The following SLC22A24 variants were observed in gnomAD, a reference collection of about 807,000 sequenced individuals.
The protein encoded by SLC22A24 is solute carrier family 22 member 24.
SLC22A24 carries 53 observed loss-of-function variants against 49.8 expected under a neutral mutation model. The observed-to-expected ratio is 1.06, with a 90% CI of 0.85 to 1.34. The LOEUF is 1.34. Ranked by LOEUF, SLC22A24 falls within the 40% of genes most tolerant of loss-of-function variation. The pLI is 0.00. For missense variants in SLC22A24, 786 were observed against 675.9 expected (o/e 1.16, Z -1.81); for synonymous variants, 302 against 256.4 (o/e 1.18, Z -1.70).
chr11:63,114,750 A>G (rs7118720), intron 4 of SLC22A24, among the ~76,000 whole-genome samples: 120,458 of 152,008 alleles, frequency 0.79, 48,915 homozygotes, highest in East Asian at 0.9. Flanking sequence ...TGGTGTGGAT[A>G]TCCTTTTTGT....
chr11:63,086,609 A>C (rs1202117020), intron 6 of SLC22A24, among the ~76,000 whole-genome samples: 2 of 152,194 alleles, frequency 1.3e-5, no homozygotes, highest in Non-Finnish European at 2.9e-5. Flanking sequence ...AAACTTAAAA[A>C]ATTTTATATT....
intron 2 of SLC22A24, among the ~76,000 whole-genome samples, chr11:63,126,009 G>C (rs1057125008): frequency 6.6e-6 from 1 of 151,328 alleles, no homozygotes; most frequent in Non-Finnish European, 1.5e-5. Context: ...GGGGTCGTTT[G>C]TTTTTTTTCT....
chr11:63,099,713 A>T (rs1174702439), intron 5 of SLC22A24, among the ~76,000 whole-genome samples: 1 of 152,082 alleles, frequency 6.6e-6, no homozygotes, highest in Non-Finnish European at 1.5e-5. Context: ...ACACGTGAAG[A>T]AGACTGTTTT....
chr11:63,081,690 G>A (rs2086961285), intron 7 of SLC22A24, 24 bp from the exon 8 acceptor site: 11 of 1,496,894 alleles, frequency 7.3e-6, no homozygotes, highest in Non-Finnish European at 1.0e-5. Context: ...TGAGAATCAG[G>A]AAATCTTGCC....
At chr11:63,101,697 A>G (rs993521146) in intron 5 of SLC22A24, among the ~76,000 whole-genome samples, 1 of 152,150 alleles carries the variant, frequency 6.6e-6, no homozygotes, top group Non-Finnish European at 1.5e-5. Context: ...CTAAGTGTCC[A>G]TCTACAAATA....
intron 2 of SLC22A24, among the ~76,000 whole-genome samples, chr11:63,129,408 G>T (rs553187471): frequency 6.6e-6 from 1 of 152,152 alleles, no homozygotes; most frequent in Non-Finnish European, 1.5e-5. Context: ...GTCAGGTAGC[G>T]TGTTGCCTCC....
At chr11:63,092,094 C>G (rs1436339143) in intron 6 of SLC22A24, among the ~76,000 whole-genome samples, 2 of 152,098 alleles carry the variant, frequency 1.3e-5, no homozygotes, top group Admixed American at 1.3e-4. Context: ...CACAAGCATT[C>G]CTATACACCA....
intron 6 of SLC22A24, among the ~76,000 whole-genome samples, chr11:63,084,046 C>G (rs2086974137): frequency 6.6e-6 from 1 of 152,100 alleles, no homozygotes; most frequent in South Asian, 2.1e-4. Context: ...GAGAAAAGGT[C>G]AACAATATCT....
chr11:63,130,235 A>C (rs1299973243), intron 2 of SLC22A24, among the ~76,000 whole-genome samples: 1 of 152,154 alleles, frequency 6.6e-6, no homozygotes, highest in African/African-American at 2.4e-5. Context: ...TGAGATAATC[A>C]TGTGGTTTTT....
At chr11:63,124,955 G>A (rs1400431762) in intron 2 of SLC22A24, among the ~76,000 whole-genome samples, 1 of 151,728 alleles carries the variant, frequency 6.6e-6, no homozygotes, top group African/African-American at 2.4e-5. Context: ...GACTGTTGCG[G>A]GGTGGGGGGA....
Position 63,119,337 on chromosome 11 carries a change from TA to T in SLC22A24, c.507-3del. The T allele has an allele frequency of 6.6e-7, 1 of 1,524,632 alleles. No individual in the cohort carries two copies. The allele number at this position is 1,524,632 out of a possible 1,614,324, so 94.4% of individuals were successfully genotyped here. Reference sequence around the variant, plus strand: ...TTGCATATGATCTTCCGTCCAACCCTAAGAAATATTAAACCAGATAACGTTA... The same window carrying T: ...TTGCATATGATCTTCCGTCCAACCCTAGAAATATTAAACCAGATAACGTTA... On this transcript the variant is annotated splice_region_variant and splice_polypyrimidine_tract_variant and intron_variant, in intron 2 of 9. Coordinates refer to ENST00000612278, the MANE Select transcript of SLC22A24 (RefSeq NM_001136506.2).
At chr11:63,087,627 C>T (rs2086995417) in intron 6 of SLC22A24, among the ~76,000 whole-genome samples, 1 of 152,206 alleles carries the variant, frequency 6.6e-6, no homozygotes, top group Non-Finnish European at 1.5e-5. Flanking sequence ...CAGGTGGTCT[C>T]GCTCAGTGAG....
At chr11:63,084,251 A>G (rs2086975198) in intron 6 of SLC22A24, among the ~76,000 whole-genome samples, 1 of 152,280 alleles carries the variant, frequency 6.6e-6, no homozygotes, top group East Asian at 1.9e-4. Flanking sequence ...TCTAAGAGCT[A>G]CAAGCAATGG....
intron 6 of SLC22A24, among the ~76,000 whole-genome samples, chr11:63,095,461 T>C (rs183298142): frequency 3.9e-5 from 6 of 152,280 alleles, no homozygotes; most frequent in Non-Finnish European, 7.4e-5. Context: ...GGTACACAGA[T>C]AGCATGATTC....
chr11:63,142,011 C>G (rs1476371328), intron 1 of SLC22A24, among the ~76,000 whole-genome samples: 1 of 152,130 alleles, frequency 6.6e-6, no homozygotes, highest in African/African-American at 2.4e-5. Context: ...TAGAAGGCCC[C>G]AGACAAATGC....
chr11:63,122,327 T>C (rs1449964676), intron 2 of SLC22A24, among the ~76,000 whole-genome samples: 1 of 152,136 alleles, frequency 6.6e-6, no homozygotes, highest in Non-Finnish European at 1.5e-5. Context: ...TCCGAGCTAC[T>C]GTCTGAAAGA....
At position 63,143,762 on chromosome 11, in the gene SLC22A24, G is replaced by A. The variant is rs1296882149; in HGVS notation, c.18C>T (p.Leu6=). Residue 6 remains leucine (L), a synonymous_variant, in exon 1 of 10, where the codon CTC becomes CTT. Coordinates refer to ENST00000612278, the MANE Select transcript of SLC22A24 (RefSeq NM_001136506.2). MGFDV[L]LDQVGGMGRF... ...TCCCCATGCCACCCACTTGATCCAG[G>A]AGCACATCAAAGCCCATTGAGACTG... is the stretch of plus-strand genomic sequence containing the variant. 6.9e-7 allele frequency: 1 copy of A among 1,447,000 alleles called. No homozygotes were observed. The highest frequency in any genetic ancestry group is 2.6e-5 in the Admixed American group (1 of 37,940). The allele number at this position is 1,447,000 out of a possible 1,614,324, so 89.6% of individuals were successfully genotyped here.
chr11:63,135,541 T>C (rs534215970), intron 1 of SLC22A24, among the ~76,000 whole-genome samples: 1 of 152,364 alleles, frequency 6.6e-6, no homozygotes, highest in East Asian at 1.9e-4. Flanking sequence ...GCAAATGTAA[T>C]TGTGGTTTTT....
intron 4 of SLC22A24, among the ~76,000 whole-genome samples, chr11:63,112,298 G>T (rs1181587252): frequency 6.6e-6 from 1 of 152,152 alleles, no homozygotes; most frequent in Non-Finnish European, 1.5e-5. Flanking sequence ...AATAAGTGTG[G>T]TGTAGTGCTG....
Sources: gnomAD v4.1 joint callset for allele counts (sites outside exome capture counted in the v4.1 genomes callset) on GRCh38, gnomAD v4.1.1 for gene constraint, MANE v1.5 for transcripts, NCBI Gene and HGNC (gene_info 2026-07-23, HGNC 2026-07-21) for gene names.